ERP44: variants seen among roughly 807,000 people sequenced by gnomAD.
The protein encoded by ERP44 is endoplasmic reticulum resident protein 44.
A neutral mutation model predicts 53.4 loss-of-function variants in ERP44; 25 were observed. That is an observed-to-expected ratio of 0.47 (90% CI 0.34 to 0.65). The LOEUF (loss-of-function observed/expected upper bound fraction) is 0.65, where lower values mean the gene tolerates loss of function less well. Among genes scored for constraint, ERP44 ranks in the 30% least tolerant of loss-of-function variants. The pLI is 0.01. For missense variants in ERP44, 338 were observed against 493.2 expected (o/e 0.69, Z 2.98); for synonymous variants, 145 against 161.2 (o/e 0.90, Z 0.76).
intron 10 of ERP44, among the ~76,000 whole-genome samples, chr9:100,005,683 T>A (rs1830418737): frequency 6.6e-6 from 1 of 152,172 alleles, no homozygotes; most frequent in Non-Finnish European, 1.5e-5. Flanking sequence ...AATTTTAGGA[T>A]TGGGAATCTT....
intron 4 of ERP44, among the ~76,000 whole-genome samples, chr9:100,032,787 A>G (rs1373013317): frequency 6.6e-6 from 1 of 152,122 alleles, no homozygotes; most frequent in African/African-American, 2.4e-5. Flanking sequence ...CAACTCTAGA[A>G]CTCTAACAGG....
chr9:100,017,918 C>A (rs1256232873), intron 7 of ERP44, among the ~76,000 whole-genome samples: 1 of 152,164 alleles, frequency 6.6e-6, no homozygotes, highest in African/African-American at 2.4e-5. Flanking sequence ...GTGACAATCA[C>A]AGACAACTGG....
intron 5 of ERP44, among the ~76,000 whole-genome samples, chr9:100,021,797 T>C (rs1445861429): frequency 6.6e-6 from 1 of 152,240 alleles, no homozygotes; most frequent in Non-Finnish European, 1.5e-5. Context: ...ATTGAGGCTT[T>C]CCTTTGTGCT....
chr9:100,098,078 A>G (rs1461910848), intron 1 of ERP44, among the ~76,000 whole-genome samples: 1 of 152,218 alleles, frequency 6.6e-6, no homozygotes, highest in Non-Finnish European at 1.5e-5. Context: ...GGACTAGGGA[A>G]AGATTCTTTT....
chr9:100,060,110 A>C lies in ERP44; in HGVS notation c.120T>G (p.Asp40Glu). 1 of 1,475,210 alleles carries C rather than the reference A, an allele frequency of 6.8e-7. No homozygotes were observed. Among genetic ancestry groups the C allele is most frequent in the Non-Finnish European group, 9.0e-7 (1 of 1,113,566 alleles). The allele number at this position is 1,475,210 out of a possible 1,614,324, so 91.4% of individuals were successfully genotyped here. A position where few individuals can be genotyped will look rare whatever the true frequency, so the allele number is the denominator to read the frequency against. Residue 40 changes from aspartate (D) to glutamate (E), a missense_variant, in exon 2 of 12, where the codon GAT becomes GAG. Asp to Glu is a conservative substitution (Grantham distance 45). Transcript: ENST00000262455. ...EITSLDTENI[D>E]EILNNADVAL... ...TATTGAGGTACTTACTTAAAATTTCATCTATATTCTCTGTATCAAGACTTG... is the reference window on the plus strand; with the variant it reads ...TATTGAGGTACTTACTTAAAATTTCCTCTATATTCTCTGTATCAAGACTTG...
chr9:100,009,535 T>A (rs1830452090), intron 8 of ERP44, among the ~76,000 whole-genome samples: 1 of 152,180 alleles, frequency 6.6e-6, no homozygotes, highest in Admixed American at 6.5e-5. Flanking sequence ...TTCTTCCTCA[T>A]CTTTTATCTC....
chr9:100,065,698 A>G (rs1826203653), intron 1 of ERP44, among the ~76,000 whole-genome samples: 1 of 152,230 alleles, frequency 6.6e-6, no homozygotes, highest in Non-Finnish European at 1.5e-5. Context: ...ATTAGTGGAT[A>G]AAAATTCAAC....
chr9:100,082,979 A>C (rs1207058266), intron 1 of ERP44, among the ~76,000 whole-genome samples: 1 of 152,178 alleles, frequency 6.6e-6, no homozygotes, highest in Non-Finnish European at 1.5e-5. Context: ...CTAATTATGA[A>C]TCATAACCCA....
intron 1 of ERP44, among the ~76,000 whole-genome samples, chr9:100,081,284 A>G (rs1826419894): frequency 6.6e-6 from 1 of 152,184 alleles, no homozygotes; most frequent in Admixed American, 6.5e-5. Context: ...ACCCATCTTT[A>G]GTTACTAAAC....
chr9:100,023,229 C>G (rs765796328), intron 4 of ERP44, among the ~76,000 whole-genome samples: 6 of 151,762 alleles, frequency 4.0e-5, no homozygotes, highest in Admixed American at 6.6e-5. Flanking sequence ...GGTCCTATTA[C>G]CTGAGCAAGG....
chr9:100,016,816 G>A (rs7870585), intron 7 of ERP44, among the ~76,000 whole-genome samples: 70,327 of 151,976 alleles, frequency 0.46, 17,614 homozygotes, highest in East Asian at 0.9. Flanking sequence ...GCCATGGGTG[G>A]CAAAAAGCAG....
At chr9:100,054,015 A>G (rs1425387585) in intron 3 of ERP44, among the ~76,000 whole-genome samples, 5 of 152,184 alleles carry the variant, frequency 3.3e-5, no homozygotes, top group African/African-American at 9.7e-5. Flanking sequence ...TTGTATATAT[A>G]TATCTCTTCT....
intron 4 of ERP44, among the ~76,000 whole-genome samples, chr9:100,032,582 A>C (rs1248992897): frequency 6.6e-6 from 1 of 152,216 alleles, no homozygotes; most frequent in Admixed American, 6.5e-5. Flanking sequence ...AAATTATAAG[A>C]AACTCCTATT....
intron 1 of ERP44, among the ~76,000 whole-genome samples, chr9:100,094,669 T>C (rs969123116): frequency 1.3e-5 from 2 of 151,036 alleles, no homozygotes; most frequent in African/African-American, 4.9e-5. Context: ...AAAAAAAAAT[T>C]AAAAAAAAAT....
At chr9:100,029,940 T>C (rs1224680316) in intron 4 of ERP44, among the ~76,000 whole-genome samples, 2 of 151,914 alleles carry the variant, frequency 1.3e-5, no homozygotes, top group Non-Finnish European at 2.9e-5. Flanking sequence ...ATACAAAAAT[T>C]AGCCGGGCGT....
chr9:99,992,939 A>G (rs1830270873), intron 10 of ERP44, among the ~76,000 whole-genome samples: 1 of 152,222 alleles, frequency 6.6e-6, no homozygotes, highest in Non-Finnish European at 1.5e-5. Context: ...TAAAATACCT[A>G]GGAATCCAAT....
intron 10 of ERP44, among the ~76,000 whole-genome samples, chr9:99,988,937 C>T (rs935185451): frequency 5.3e-5 from 8 of 152,218 alleles, no homozygotes; most frequent in African/African-American, 1.7e-4. Flanking sequence ...TGCTAGCTAG[C>T]GCAGCAGTCC....
intron 4 of ERP44, 29 bp downstream of exon 4, chr9:100,052,388 T>G (rs1195573436): frequency 8.2e-7 from 1 of 1,226,724 alleles, no homozygotes; most frequent in Non-Finnish European, 1.2e-6. Context: ...TGGGACAGTC[T>G]CTTCTAGACT....
intron 4 of ERP44, among the ~76,000 whole-genome samples, chr9:100,026,988 A>G (rs1031643511): frequency 1.3e-5 from 2 of 152,208 alleles, no homozygotes; most frequent in African/African-American, 4.8e-5. Flanking sequence ...TAGGGGGCGC[A>G]ATGAGAAAGT....
Sources: gnomAD v4.1 joint callset for allele counts (sites outside exome capture counted in the v4.1 genomes callset) on GRCh38, gnomAD v4.1.1 for gene constraint, MANE v1.5 for transcripts, NCBI Gene and HGNC (gene_info 2026-07-23, HGNC 2026-07-21) for gene names.